Variants in MRPS5 observed in about 807,000 individuals in gnomAD.
The protein encoded by MRPS5 is mitochondrial ribosomal protein S5.
MRPS5 carries 27 observed loss-of-function variants against 51.9 expected under a neutral mutation model. The observed-to-expected ratio is 0.52, with a 90% CI of 0.38 to 0.72. The LOEUF is 0.72. MRPS5 is among the 30% of genes least tolerant of loss of function. The pLI is 0.00. For synonymous variants in MRPS5, 196 were observed against 193.2 expected (o/e 1.01, Z -0.12); for missense variants, 570 against 545.7 (o/e 1.04, Z -0.44).
chr2:95,109,118 G>A (rs560747131), intron 4 of MRPS5, among the ~76,000 whole-genome samples: 24 of 151,622 alleles, frequency 1.6e-4, no homozygotes, highest in African/African-American at 4.8e-4. Context: ...GCATCCAGGG[G>A]GACTTCAAGT....
intron 10 of MRPS5, among the ~76,000 whole-genome samples, chr2:95,098,808 G>A (rs769473145): frequency 8.4e-4 from 127 of 151,744 alleles, no homozygotes; most frequent in Non-Finnish European, 9.4e-4. Flanking sequence ...TGCACATTGT[G>A]CACATGTACC....
chr2:95,114,986 G>A (rs1676242746), intron 3 of MRPS5, 80 bp downstream of exon 3: 1 of 1,296,724 alleles, frequency 7.7e-7, no homozygotes, highest in Admixed American at 2.8e-5. Flanking sequence ...CTTAATTCAT[G>A]TAAAAAAGAA....
At chr2:95,099,489 ATTC>A (rs1675735329) in intron 10 of MRPS5, among the ~76,000 whole-genome samples, 1 of 152,172 alleles carries the variant, frequency 6.6e-6, no homozygotes. Flanking sequence ...GATATTTTAT[ATTC>A]TTTTTTTGTA....
chr2:95,105,014 C>A (rs1675909162), intron 6 of MRPS5, among the ~76,000 whole-genome samples: 1 of 152,128 alleles, frequency 6.6e-6, no homozygotes, highest in Non-Finnish European at 1.5e-5. Context: ...TCTCGATATA[C>A]CCTATCTTAA....
intron 3 of MRPS5, among the ~76,000 whole-genome samples, chr2:95,111,762 T>A (rs1676127109): frequency 6.6e-6 from 1 of 152,234 alleles, no homozygotes; most frequent in African/African-American, 2.4e-5. Flanking sequence ...ACATAGTATA[T>A]ATTTAAGCAG....
chr2:95,113,019 A>G (rs529409851), intron 3 of MRPS5, among the ~76,000 whole-genome samples: 2 of 151,644 alleles, frequency 1.3e-5, no homozygotes, highest in East Asian at 3.9e-4. Flanking sequence ...AGAAAAGAAA[A>G]AAAAAAAAAG....
intron 4 of MRPS5, among the ~76,000 whole-genome samples, chr2:95,109,636 T>C (rs1676056863): frequency 6.6e-6 from 1 of 152,250 alleles, no homozygotes; most frequent in Non-Finnish European, 1.5e-5. Flanking sequence ...ATTTAGTCTC[T>C]ATTTTATCAC....
chr2:95,103,492 T>C (rs1414093182), intron 7 of MRPS5, among the ~76,000 whole-genome samples: 1 of 152,218 alleles, frequency 6.6e-6, no homozygotes, highest in Non-Finnish European at 1.5e-5. Flanking sequence ...CAGACATTGA[T>C]GCAACCTTTT....
At chr2:95,101,651 T>A (rs1210220381) in intron 8 of MRPS5, 26 bp downstream of exon 8, 1 of 1,572,620 alleles carries the variant, frequency 6.4e-7, no homozygotes, top group Non-Finnish European at 8.6e-7. Flanking sequence ...TTACTGAGTG[T>A]CAACAAAGAA....
At chr2:95,100,712 C>T (rs1384275012) in intron 9 of MRPS5, 125 bp downstream of exon 9, 13 of 901,072 alleles carry the variant, frequency 1.4e-5, no homozygotes, top group Non-Finnish European at 2.0e-5. Context: ...TGTTTTCACA[C>T]TTCATATATT....
chr2:95,087,306 C>G lies in MRPS5; in HGVS notation c.*51G>C, dbSNP rs907283047. ...CATCCCAAGCTGTGAGGGGCTGAGT[C>G]TCTCCTAGGTGCAGGGCAGCACAGG... On this transcript the variant is annotated 3_prime_UTR_variant, in exon 12 of 12. Transcript: ENST00000272418. 6.8e-7 allele frequency: 1 copy of G among 1,462,532 alleles called. No individual in the cohort carries two copies. Among genetic ancestry groups the G allele is most frequent in the Non-Finnish European group, 9.5e-7 (1 of 1,052,792 alleles). The allele number at this position is 1,462,532 out of a possible 1,614,324, so 90.6% of individuals were successfully genotyped here.
At chr2:95,101,047 A>T (rs1312990743) in intron 8 of MRPS5, among the ~76,000 whole-genome samples, 153 bp from the exon 9 acceptor site, 1 of 152,222 alleles carries the variant, frequency 6.6e-6, no homozygotes, top group African/African-American at 2.4e-5. Context: ...CTTATTTTTT[A>T]AAACTCTTAA....
chr2:95,095,562 C>T (rs1346527413), intron 10 of MRPS5, among the ~76,000 whole-genome samples: 26 of 152,130 alleles, frequency 1.7e-4, no homozygotes, highest in Admixed American at 6.5e-5. Flanking sequence ...CACTCAAAAC[C>T]GCTCAACTAC....
Position 95,086,499 on chromosome 2 carries a change from C to A in MRPS5, c.*858G>T, listed in dbSNP as rs749422554. On this transcript the variant is annotated 3_prime_UTR_variant, in exon 12 of 12. Coordinates refer to ENST00000272418, the MANE Select transcript of MRPS5 (RefSeq NM_031902.5). ...TAGAAATTACCTAAACTGAGCAACACAGAGAAAACAGACTGGAAAAAAAAT... is the reference window on the plus strand; with the variant it reads ...TAGAAATTACCTAAACTGAGCAACAAAGAGAAAACAGACTGGAAAAAAAAT... 3.3e-5 allele frequency among the ~76,000 whole-genome samples: 5 copies of A among 151,990 alleles called. No homozygotes were observed. Among genetic ancestry groups the A allele is most frequent in the Non-Finnish European group, 5.9e-5 (4 of 68,018 alleles).
chr2:95,090,261 G>A, intron 11 of MRPS5, 125 bp downstream of exon 11: 1 of 698,274 alleles, frequency 1.4e-6, no homozygotes, highest in Non-Finnish European at 2.2e-6. Flanking sequence ...AGACAACAAA[G>A]AATGCCCAAC....
chr2:95,109,867 G>C, intron 4 of MRPS5, 49 bp downstream of exon 4: 1 of 1,577,048 alleles, frequency 6.3e-7, no homozygotes, highest in East Asian at 2.3e-5. Context: ...ATAAAATCTG[G>C]GGTAAGAAAC....
chr2:95,098,708 G>A (rs1428387713), intron 10 of MRPS5, among the ~76,000 whole-genome samples: 1 of 152,006 alleles, frequency 6.6e-6, no homozygotes, highest in Non-Finnish European at 1.5e-5. Flanking sequence ...CAGTGGGGGA[G>A]GGATAGCATT....
intron 2 of MRPS5, among the ~76,000 whole-genome samples, chr2:95,117,199 C>T (rs546903131): frequency 6.6e-6 from 1 of 150,946 alleles, no homozygotes; most frequent in Admixed American, 6.6e-5. Flanking sequence ...TTTGTTTCAG[C>T]ATTTATGGTT....
intron 10 of MRPS5, chr2:95,090,854 C>T (rs903856005): frequency 1.2e-4 from 31 of 251,558 alleles, no homozygotes; most frequent in Non-Finnish European, 2.2e-4. Flanking sequence ...TGGAGGGACA[C>T]GTCTCTTCTC....
Sources: gnomAD v4.1 joint callset for allele counts (sites outside exome capture counted in the v4.1 genomes callset) on GRCh38, gnomAD v4.1.1 for gene constraint, MANE v1.5 for transcripts, NCBI Gene and HGNC (gene_info 2026-07-23, HGNC 2026-07-21) for gene names.